ITGB1: variants seen among roughly 807,000 people sequenced by gnomAD.
The protein encoded by ITGB1 is integrin subunit beta 1.
Under a neutral mutation model 86.5 loss-of-function variants are expected in ITGB1, and 24 were observed. The ratio of observed to expected loss-of-function variants is 0.28; its 90% CI spans 0.20 to 0.39. ITGB1 has a LOEUF of 0.39. ITGB1 is among the 10% of genes least tolerant of loss of function. The pLI, the probability that ITGB1 is intolerant of heterozygous loss-of-function variation, is 1.00. For missense variants in ITGB1, 556 were observed against 946.9 expected, an observed-to-expected ratio of 0.59 and a Z score of 5.42; for synonymous variants, 323 against 316.8, an observed-to-expected ratio of 1.02 and a Z score of -0.21.
intron 11 of ITGB1, among the ~76,000 whole-genome samples, chr10:32,913,257 TCTCCTCCAAAGAAATGC>T (rs566923206): frequency 1.6e-3 from 247 of 152,220 alleles, no homozygotes; most frequent in Middle Eastern, 0.014. Flanking sequence ...GAGCACCTCT[TCTCCTCCAAAGAAATGC>T]ACCTCCTCAC....
intron 4 of ITGB1, among the ~76,000 whole-genome samples, chr10:32,928,918 A>G (rs1357685869): frequency 2.6e-5 from 4 of 152,096 alleles, no homozygotes. Flanking sequence ...AAATGTAATT[A>G]AAATTTTAAC....
chr10:32,941,490 C>T (rs564716313), intron 1 of ITGB1, among the ~76,000 whole-genome samples: 60 of 152,092 alleles, frequency 3.9e-4, no homozygotes, highest in Non-Finnish European at 6.8e-4. Context: ...ATAACAGGAA[C>T]GAAGACCAAG....
intron 11 of ITGB1, among the ~76,000 whole-genome samples, chr10:32,915,533 C>T (rs545909190): frequency 6.6e-6 from 1 of 152,186 alleles, no homozygotes; most frequent in African/African-American, 2.4e-5. Context: ...ATACTATAAA[C>T]ACCACTATGC....
Position 32,957,186 on chromosome 10 carries a change from T to C in ITGB1, c.-1+959A>G, listed in dbSNP as rs117596552. 7.3e-3 allele frequency among the ~76,000 whole-genome samples: 1,106 copies of C among 152,346 alleles called. 5 individuals are homozygous for C. The highest frequency in any genetic ancestry group is 0.024 in the Middle Eastern group (7 of 294). On this transcript the variant is annotated intron_variant, in intron 1 of 15. Coordinates refer to ENST00000302278, the MANE Select transcript of ITGB1 (RefSeq NM_002211.4). ...TAATGTAGATATTACTGTTCCTATT[T>C]CACAGATGAGGAAACGGAAGCTTAG...
chr10:32,911,961 T>C lies in ITGB1; in HGVS notation c.1633A>G (p.Asn545Asp), dbSNP rs1470394100. The change falls in exon 12 of 16, where the codon AAT becomes GAT. Residue 545 changes from asparagine to aspartate, a missense_variant. This residue lies in a region of ITGB1 where 330 missense variants were observed against 531.5 expected (regional missense o/e 0.62). Coordinates refer to ENST00000302278, the MANE Select transcript of ITGB1 (RefSeq NM_002211.4). ...QCVCRKRDNT[N>D]EIYSGKFCEC... ...CAGAATTTGCCAGAATAAATTTCATTTGTATTATCCCTCTTCCTACAAACA... is the reference window on the plus strand; with the variant it reads ...CAGAATTTGCCAGAATAAATTTCATCTGTATTATCCCTCTTCCTACAAACA... The C allele has an allele frequency of 6.2e-7, 1 of 1,614,050 alleles. No homozygotes were observed. The highest frequency in any genetic ancestry group is 2.2e-5 in the East Asian group (1 of 44,896).
At chr10:32,940,049 TCTCAAA>T (rs1390233762) in intron 1 of ITGB1, among the ~76,000 whole-genome samples, 2 of 152,084 alleles carry the variant, frequency 1.3e-5, no homozygotes, top group African/African-American at 4.8e-5. Context: ...AGAGATACTC[TCTCAAA>T]TAACAACAGG....
intron 9 of ITGB1, among the ~76,000 whole-genome samples, chr10:32,921,578 C>T (rs1593865744): frequency 6.6e-6 from 1 of 152,184 alleles, no homozygotes; most frequent in Admixed American, 6.5e-5. Context: ...TACCAAATTA[C>T]AACCGCCTTC....
rs563797775 is a variant in ITGB1, at chr10:32,956,945, A to T, written c.-1+1200T>A. Among the ~76,000 whole-genome samples, 10 of 152,298 alleles carry T rather than the reference A, an allele frequency of 6.6e-5. No homozygotes were observed. The South Asian group carries it at 1.7e-3, about 25-fold the overall frequency. Reference sequence around the variant, plus strand: ...AGTTAGGAAGGTTACTTGTGGTTTAAACGCGGACTCTGGAACTAGACCCCA... The same window carrying T: ...AGTTAGGAAGGTTACTTGTGGTTTATACGCGGACTCTGGAACTAGACCCCA... On this transcript the variant is annotated intron_variant, in intron 1 of 15. Coordinates refer to ENST00000302278, the MANE Select transcript of ITGB1 (RefSeq NM_002211.4).
At chr10:32,906,228 C>T (rs367818041) in intron 15 of ITGB1, among the ~76,000 whole-genome samples, 1 of 152,118 alleles carries the variant, frequency 6.6e-6, no homozygotes, top group African/African-American at 2.4e-5. Flanking sequence ...TTCTATTTTG[C>T]AATTTGGATT....
intron 2 of ITGB1, among the ~76,000 whole-genome samples, chr10:32,934,445 G>C (rs571727340): frequency 3.3e-5 from 5 of 152,282 alleles, no homozygotes; most frequent in African/African-American, 1.2e-4. Context: ...TTGAGTATTT[G>C]TGGATTTTGG....
At chr10:32,950,998 T>C (rs1459650092) in intron 1 of ITGB1, among the ~76,000 whole-genome samples, 2 of 152,116 alleles carry the variant, frequency 1.3e-5, no homozygotes, top group African/African-American at 4.8e-5. Context: ...AAATAATGGA[T>C]ATAGTACGCA....
intron 1 of ITGB1, chr10:32,953,904 T>C (rs1232738732): frequency 6.6e-6 from 1 of 152,136 alleles, no homozygotes; most frequent in East Asian, 1.9e-4. Context: ...GAAATACCTA[T>C]GTCACTCACA....
chr10:32,932,856 A>G, intron 2 of ITGB1: 1 of 299,292 alleles, frequency 3.3e-6, no homozygotes, highest in South Asian at 4.5e-5. Flanking sequence ...TAACAGTCAT[A>G]TAATGGTAAA....
intron 11 of ITGB1, 76 bp from the exon 12 acceptor site, chr10:32,912,200 C>A: frequency 8.5e-7 from 1 of 1,178,906 alleles, no homozygotes; most frequent in Non-Finnish European, 1.2e-6. Context: ...CAAACAGGAA[C>A]AGCTCTAGTC....
chr10:32,903,371 AAAG>A (rs1305164933), intron 15 of ITGB1, among the ~76,000 whole-genome samples: 58 of 151,386 alleles, frequency 3.8e-4, no homozygotes, highest in African/African-American at 1.4e-3. Context: ...AAAAAAAAAA[AAAG>A]AGGAAAAAAA....
chr10:32,944,524 G>A (rs767207280), intron 1 of ITGB1: 1 of 426,816 alleles, frequency 2.3e-6, no homozygotes, highest in Non-Finnish European at 4.6e-6. Flanking sequence ...TCAACATGCT[G>A]CGGGGCACAG....
intron 6 of ITGB1, among the ~76,000 whole-genome samples, chr10:32,924,702 G>GT (rs1335228009): frequency 6.6e-6 from 1 of 152,200 alleles, no homozygotes; most frequent in African/African-American, 2.4e-5. Context: ...TCAATGGCTA[G>GT]TAAGAAAAGA....
chr10:32,903,803 T>A (rs1180469790), intron 15 of ITGB1, among the ~76,000 whole-genome samples: 1 of 152,168 alleles, frequency 6.6e-6, no homozygotes, highest in Non-Finnish European at 1.5e-5. Context: ...GTCAGGAAAC[T>A]GGATTTTGGC....
chr10:32,902,392 AC>A (rs373989695), intron 15 of ITGB1, among the ~76,000 whole-genome samples: 22 of 152,200 alleles, frequency 1.4e-4, no homozygotes, highest in African/African-American at 4.6e-4. Flanking sequence ...GCAGAAAAAA[AC>A]ATATCACTGT....
Sources: gnomAD v4.1 joint callset for allele counts (sites outside exome capture counted in the v4.1 genomes callset) on GRCh38, gnomAD v4.1.1 for gene constraint, gnomAD v4.1.1 regional missense constraint, MANE v1.5 for transcripts, NCBI Gene and HGNC (gene_info 2026-07-23, HGNC 2026-07-21) for gene names.